FNDC3A: variants seen among roughly 807,000 people sequenced by gnomAD.
The protein encoded by FNDC3A is fibronectin type-III domain-containing protein 3A.
Under a neutral mutation model 148.9 loss-of-function variants are expected in FNDC3A, and 32 were observed. The observed-to-expected ratio is 0.21, with a 90% CI of 0.16 to 0.29. The LOEUF is 0.29. FNDC3A is among the 10% of genes least tolerant of loss of function. The pLI, the probability that FNDC3A is intolerant of heterozygous loss-of-function variation, is 1.00. For synonymous variants in FNDC3A, 472 were observed against 473.6 expected, an observed-to-expected ratio of 1.00 and a Z score of 0.04; for missense variants, 1,191 against 1,452.8, an observed-to-expected ratio of 0.82 and a Z score of 2.93.
intron 23 of FNDC3A, among the ~76,000 whole-genome samples, chr13:49,199,321 C>T (rs527920219): frequency 3.3e-5 from 5 of 150,892 alleles, no homozygotes; most frequent in African/African-American, 7.4e-5. Context: ...TGTGCCTGAC[C>T]GAAACAATTT....
At chr13:49,143,247 A>C (rs915963559) in intron 7 of FNDC3A, among the ~76,000 whole-genome samples, 2 of 152,132 alleles carry the variant, frequency 1.3e-5, no homozygotes, top group Non-Finnish European at 2.9e-5. Flanking sequence ...AAATTGGCCC[A>C]GTGCAGTGGC....
At chr13:49,081,155 G>A (rs1011582521) in intron 3 of FNDC3A, among the ~76,000 whole-genome samples, 9 of 152,034 alleles carry the variant, frequency 5.9e-5, no homozygotes, top group South Asian at 2.1e-4. Context: ...TTCTCTTTTC[G>A]TCTGTGATAC....
intron 8 of FNDC3A, among the ~76,000 whole-genome samples, chr13:49,155,131 G>A (rs1228652967): frequency 1.3e-5 from 2 of 149,244 alleles, no homozygotes; most frequent in Non-Finnish European, 3.0e-5. Context: ...GAATTCGGCT[G>A]TGAATCCATC....
chr13:49,043,307 A>G (rs1335498554), intron 2 of FNDC3A, among the ~76,000 whole-genome samples: 2 of 152,182 alleles, frequency 1.3e-5, no homozygotes, highest in Non-Finnish European at 2.9e-5. Context: ...TTTTATTTTT[A>G]ACTTTTGTGT....
intron 4 of FNDC3A, among the ~76,000 whole-genome samples, chr13:49,125,281 A>G (rs1485756654): frequency 6.6e-6 from 1 of 152,184 alleles, no homozygotes; most frequent in East Asian, 1.9e-4. Context: ...GTGAGAAACT[A>G]TAAGATGGGG....
At chr13:49,010,265 G>A (rs1401201961) in intron 2 of FNDC3A, among the ~76,000 whole-genome samples, 1 of 152,184 alleles carries the variant, frequency 6.6e-6, no homozygotes, top group African/African-American at 2.4e-5. Flanking sequence ...CCTGGTACCT[G>A]GCCTGGGATG....
intron 3 of FNDC3A, among the ~76,000 whole-genome samples, chr13:49,111,139 A>T (rs1283520145): frequency 6.6e-6 from 1 of 152,234 alleles, no homozygotes; most frequent in African/African-American, 2.4e-5. Context: ...CCCTCATTGC[A>T]TACAAATTTA....
chr13:49,175,494 T>C lies in FNDC3A; in HGVS notation c.1483T>C (p.Ser495Pro). 3 of 1,612,258 alleles carry C rather than the reference T, an allele frequency of 1.9e-6. No individual in the cohort carries two copies. Among genetic ancestry groups the C allele is most frequent in the Non-Finnish European group, 2.5e-6 (3 of 1,179,114 alleles). Residue 495 changes from serine (S) to proline (P), a missense_variant, in exon 13 of 26, where the codon TCA (serine) becomes CCA (proline). By Grantham distance (74) the Ser-to-Pro change is moderately conservative (BLOSUM62 -1). Coordinates refer to ENST00000492622, the MANE Select transcript of FNDC3A (RefSeq NM_001079673.2). ...LQWSKPSGTP[S>P]DEGISYILEM... ...ATGGAGTAAGCCCTCAGGAACACCA[T>C]CAGATGAAGGAATTTCTTACATTTT...
chr13:48,988,044 A>G (rs1361727350), intron 1 of FNDC3A: 3 of 152,230 alleles, frequency 2.0e-5, no homozygotes, highest in Non-Finnish European at 4.4e-5. Context: ...AAAGATAAAA[A>G]AAGACAAAGA....
intron 3 of FNDC3A, among the ~76,000 whole-genome samples, chr13:49,099,595 G>A (rs1205923787): frequency 6.6e-6 from 1 of 152,092 alleles, no homozygotes; most frequent in Non-Finnish European, 1.5e-5. Flanking sequence ...ATCACTTATT[G>A]TATTGTGTAT....
intron 1 of FNDC3A, chr13:48,987,882 A>T (rs1475718700): frequency 6.6e-6 from 1 of 152,254 alleles, no homozygotes; most frequent in African/African-American, 2.4e-5. Flanking sequence ...ACAAAAATAC[A>T]TTATAACTTA....
At chr13:49,085,244 ATAGT>A (rs1469660900) in intron 3 of FNDC3A, among the ~76,000 whole-genome samples, 1 of 152,216 alleles carries the variant, frequency 6.6e-6, no homozygotes, top group Non-Finnish European at 1.5e-5. Context: ...ATTTTGTTAA[ATAGT>A]TATAAACCCT....
At chr13:49,152,075 C>G (rs547173862) in intron 8 of FNDC3A, among the ~76,000 whole-genome samples, 1 of 152,142 alleles carries the variant, frequency 6.6e-6, no homozygotes, top group South Asian at 2.1e-4. Context: ...GATTAATAAT[C>G]CTTTGTGTAT....
At chr13:49,017,054 G>C (rs1872859768) in intron 2 of FNDC3A, among the ~76,000 whole-genome samples, 1 of 151,788 alleles carries the variant, frequency 6.6e-6, no homozygotes, top group African/African-American at 2.4e-5. Context: ...GGTGTGGTGT[G>C]GTGCTGAAAA....
At position 49,201,927 on chromosome 13, in the gene FNDC3A, A is replaced by G. The variant is rs374355606; in HGVS notation, c.3115A>G (p.Ile1039Val). The G allele has an allele frequency of 1.3e-5, 21 of 1,588,564 alleles. No homozygotes were observed. The highest frequency in any genetic ancestry group is 1.8e-5 in the Admixed American group (1 of 55,706). Residue 1039 changes from isoleucine to valine, a missense_variant, in exon 24 of 26, where the codon ATT becomes GTT. This residue lies in a region of FNDC3A where 751 missense variants were observed against 944.0 expected (regional missense o/e 0.80). Coordinates refer to ENST00000492622, the MANE Select transcript of FNDC3A (RefSeq NM_001079673.2). ...GGAAGGTCCCCTCTCCCAAGAATATATTTTCACTACTCCAAAATCTGTCCC... is the reference window on the plus strand; with the variant it reads ...GGAAGGTCCCCTCTCCCAAGAATATGTTTTCACTACTCCAAAATCTGTCCC... ...AGEGPLSQEY[I>V]FTTPKSVPAA...
intron 4 of FNDC3A, among the ~76,000 whole-genome samples, chr13:49,123,441 A>G (rs1489684871): frequency 1.3e-5 from 2 of 152,202 alleles, no homozygotes; most frequent in African/African-American, 2.4e-5. Flanking sequence ...GGCATGGGCA[A>G]AGACTTCATG....
intron 9 of FNDC3A, among the ~76,000 whole-genome samples, chr13:49,167,690 AG>A (rs370524049): frequency 4.1e-4 from 63 of 152,130 alleles, no homozygotes; most frequent in African/African-American, 1.4e-3. Flanking sequence ...TGGGCTACAA[AG>A]TGAGACCTTG....
intron 2 of FNDC3A, among the ~76,000 whole-genome samples, chr13:49,024,290 G>T (rs989484526): frequency 6.6e-6 from 1 of 151,888 alleles, no homozygotes; most frequent in Admixed American, 6.6e-5. Context: ...GAATTCTATG[G>T]AACCTTTAAA....
chr13:49,167,086 C>A (rs1884505899), intron 8 of FNDC3A, among the ~76,000 whole-genome samples, 158 bp from the exon 9 acceptor site: 1 of 152,156 alleles, frequency 6.6e-6, no homozygotes, highest in Admixed American at 6.5e-5. Context: ...GTTACATATC[C>A]TAACTGCCAA....
Sources: gnomAD v4.1 joint callset for allele counts (sites outside exome capture counted in the v4.1 genomes callset) on GRCh38, gnomAD v4.1.1 for gene constraint, gnomAD v4.1.1 regional missense constraint, MANE v1.5 for transcripts, NCBI Gene and HGNC (gene_info 2026-07-23, HGNC 2026-07-21) for gene names.